ENO4: variants seen among roughly 807,000 people sequenced by gnomAD.
ENO4 encodes enolase 4.
In ENO4, 53 loss-of-function variants were observed where a neutral mutation model predicts 63.2. The observed-to-expected ratio is 0.84, with a 90% CI of 0.67 to 1.05. The LOEUF (loss-of-function observed/expected upper bound fraction) is 1.05. ENO4 is among the 50% of genes least tolerant of loss of function. The pLI, the probability that ENO4 is intolerant of heterozygous loss-of-function variation, is 0.00. For synonymous variants in ENO4, 266 were observed against 283.8 expected (o/e 0.94, Z 0.63); for missense variants, 719 against 772.0 (o/e 0.93, Z 0.81).
downstream of ENO4, chr10:116,884,049 A>G (rs1240979932): frequency 3.2e-6 from 1 of 314,010 alleles, no homozygotes; most frequent in Non-Finnish European, 6.5e-6. Flanking sequence ...TCTATAGCGC[A>G]CAAGACTTAA....
downstream of ENO4, chr10:116,884,953 G>A (rs1031631835): frequency 4.6e-5 from 7 of 152,146 alleles, no homozygotes; most frequent in South Asian, 2.1e-4. Flanking sequence ...AAAACATTAC[G>A]TTTTAATTCT....
chr10:116,879,009 C>T (rs1259554060), intron 11 of ENO4, among the ~76,000 whole-genome samples: 2 of 152,100 alleles, frequency 1.3e-5, no homozygotes, highest in African/African-American at 4.8e-5. Flanking sequence ...TCCCAAAGTG[C>T]TGGGATTACA....
In ENO4 at chr10:116,874,210, C is replaced by A; in HGVS notation, c.1341+9C>A. The A allele has an allele frequency of 1.3e-6, 2 of 1,522,566 alleles. No individual in the cohort carries two copies. The highest frequency in any genetic ancestry group is 2.5e-5 in the East Asian group (1 of 40,330). The allele number at this position is 1,522,566 out of a possible 1,614,324, so 94.3% of individuals were successfully genotyped here. On this transcript the variant is annotated intron_variant, in intron 10 of 13. Coordinates refer to ENST00000341276, the MANE Select transcript of ENO4 (RefSeq NM_001242699.2). Reference sequence around the variant, plus strand: ...ATCCTTTCAGGAAGGAGGTAAGCACCCCACCTTCCATATTTTATAACATAT... The same window carrying A: ...ATCCTTTCAGGAAGGAGGTAAGCACACCACCTTCCATATTTTATAACATAT...
intron 7 of ENO4, among the ~76,000 whole-genome samples, chr10:116,863,823 G>T (rs1320701547): frequency 6.6e-6 from 1 of 152,192 alleles, no homozygotes; most frequent in Non-Finnish European, 1.5e-5. Flanking sequence ...AGCAATTCCA[G>T]GCTGGAGCTG....
chr10:116,910,798 A>G (rs1175281155), intron 10 of ENO4, among the ~76,000 whole-genome samples: 1 of 152,210 alleles, frequency 6.6e-6, no homozygotes, highest in Non-Finnish European at 1.5e-5. Flanking sequence ...TGCTTTTTCA[A>G]TGGCTTTAAT....
intron 13 of ENO4, 115 bp downstream of exon 13, chr10:116,880,101 ATAAG>A: frequency 1.4e-6 from 1 of 719,662 alleles, no homozygotes; most frequent in Admixed American, 3.1e-5. Context: ...AAGACCATAC[ATAAG>A]TGCTGACAAA....
exon 11 of ENO4, chr10:116,911,751 T>A (rs773760810): frequency 6.3e-7 from 1 of 1,583,096 alleles, no homozygotes; most frequent in South Asian, 1.1e-5. Flanking sequence ...TCCTTTCATT[T>A]CCCCATTAGC....
rs1036988777 is a variant in ENO4, at chr10:116,868,313, C to T, written c.991-337C>T. ...CTCCTGCAGAAAAAGGGTGCCTGCA[C>T]ACAGCAGGAGTTCATGATATATGTG... On this transcript the variant is annotated intron_variant, in intron 7 of 13. Coordinates refer to ENST00000341276, the MANE Select transcript of ENO4 (RefSeq NM_001242699.2). Among the ~76,000 whole-genome samples, 10 of 152,198 alleles carry T rather than the reference C, an allele frequency of 6.6e-5. 1 individual carries two copies. The South Asian group carries it at 1.0e-3, about 16-fold the overall frequency.
intron 9 of ENO4, among the ~76,000 whole-genome samples, chr10:116,873,280 T>C (rs1035834112): frequency 6.6e-6 from 1 of 152,148 alleles, no homozygotes; most frequent in African/African-American, 2.4e-5. Context: ...ATGGAATCCA[T>C]TCTATTAGCA....
chr10:116,871,269 G>A lies in ENO4; in HGVS notation c.1192G>A (p.Ala398Thr). The A allele has an allele frequency of 9.0e-6, 14 of 1,550,348 alleles. No homozygotes were observed. The highest frequency in any genetic ancestry group is 1.2e-5 in the Non-Finnish European group (14 of 1,146,946). The change falls in exon 9 of 14, where the codon GCT (alanine) becomes ACT (threonine). Residue 398 changes from alanine to threonine, a missense_variant. Physicochemically the swap from Ala to Thr is moderately conservative, Grantham distance 58. Around this residue, in one of 3 missense-constraint regions of ENO4, gnomAD observed 544 missense variants for 583.6 expected, o/e 0.93. Coordinates refer to ENST00000341276, the MANE Select transcript of ENO4 (RefSeq NM_001242699.2). The part of the protein sequence containing the change: ...GTNLHLAINC[A>T]GHELMDYNKG... ...AAATCTGCATCTAGCTATCAACTGT[G>A]CTGGACATGAGCTGATGGACTACGT... is the stretch of plus-strand genomic sequence containing the variant.
At chr10:116,874,234 AT>A in intron 10 of ENO4, 33 bp downstream of exon 10, 1 of 1,495,594 alleles carries the variant, frequency 6.7e-7, no homozygotes, top group South Asian at 1.3e-5. Flanking sequence ...TTTATAACAT[AT>A]TTTATATGCC....
intron 10 of ENO4, among the ~76,000 whole-genome samples, chr10:116,875,578 C>G (rs1846809101): frequency 6.6e-6 from 1 of 151,956 alleles, no homozygotes; most frequent in Admixed American, 6.6e-5. Flanking sequence ...CACACACACA[C>G]ACACACACAT....
chr10:116,888,519 C>T (rs1847232883), intron 10 of ENO4, among the ~76,000 whole-genome samples: 1 of 152,168 alleles, frequency 6.6e-6, no homozygotes, highest in South Asian at 2.1e-4. Flanking sequence ...TGTAAAGTGA[C>T]AGAGACTGGG....
At chr10:116,855,511 C>A in intron 1 of ENO4, 112 bp from the exon 2 acceptor site, 2 of 1,341,444 alleles carry the variant, frequency 1.5e-6, no homozygotes, top group Non-Finnish European at 2.1e-6. Context: ...TTGGTAGAAA[C>A]TAGAGTCAAT....
intron 6 of ENO4, 43 bp downstream of exon 6, chr10:116,861,233 AAAAATATATATAT>A: frequency 2.0e-6 from 1 of 489,902 alleles, no homozygotes; most frequent in Non-Finnish European, 2.9e-6. Flanking sequence ...AAAAAAAAAA[AAAAATATATATAT>A]ATATATATAT....
intron 11 of ENO4, among the ~76,000 whole-genome samples, chr10:116,878,614 A>G (rs2133280881): frequency 6.6e-6 from 1 of 152,242 alleles, no homozygotes; most frequent in East Asian, 1.9e-4. Context: ...ATTTTTCTAC[A>G]CTGAACATTT....
chr10:116,856,586 C>A lies in ENO4; in HGVS notation c.389C>A (p.Ala130Glu). ...AKAEEAERASAVSTAVQWVNS... is the reference protein window; with the variant it reads ...AKAEEAERASEVSTAVQWVNS... ...GCGGAGGAGGCAGAGAGGGCCAGCG[C>A]GGTGAGCACCGCCGTGCAGTGGGTC... Residue 130 changes from alanine (A) to glutamate (E), a missense_variant, in exon 3 of 14, where the codon GCG becomes GAG. Transcript: ENST00000341276. 1 of 1,536,148 alleles carries A rather than the reference C, an allele frequency of 6.5e-7. No homozygotes were observed. Among genetic ancestry groups the A allele is most frequent in the Non-Finnish European group, 8.7e-7 (1 of 1,146,918 alleles).
intron 10 of ENO4, among the ~76,000 whole-genome samples, chr10:116,891,001 T>A (rs1847327276): frequency 6.6e-6 from 1 of 152,234 alleles, no homozygotes; most frequent in African/African-American, 2.4e-5. Context: ...ACATTTCGGC[T>A]GCAATTCAAA....
intron 7 of ENO4, among the ~76,000 whole-genome samples, chr10:116,863,263 C>T (rs929546029): frequency 6.6e-6 from 1 of 152,010 alleles, no homozygotes; most frequent in Middle Eastern, 3.4e-3. Flanking sequence ...GCGTATGAGT[C>T]GCCAGTTGTC....
Sources: gnomAD v4.1 joint callset for allele counts (sites outside exome capture counted in the v4.1 genomes callset) on GRCh38, gnomAD v4.1.1 for gene constraint, gnomAD v4.1.1 regional missense constraint, MANE v1.5 for transcripts, NCBI Gene and HGNC (gene_info 2026-07-23, HGNC 2026-07-21) for gene names.